The following MTUS2 variants were observed in gnomAD, a reference collection of about 807,000 sequenced individuals.
The protein encoded by MTUS2 is microtubule-associated tumor suppressor candidate 2.
In MTUS2, 40 loss-of-function variants were observed where a neutral mutation model predicts 114.1. The ratio of observed to expected loss-of-function variants is 0.35; its 90% CI spans 0.27 to 0.46. MTUS2 has a LOEUF of 0.46. Among genes scored for constraint, MTUS2 ranks in the 20% least tolerant of loss-of-function variants. MTUS2 has a pLI of 1.00. For missense variants in MTUS2, 1,679 were observed against 1,705.4 expected, an observed-to-expected ratio of 0.98 and a Z score of 0.27; for synonymous variants, 688 against 672.0, an observed-to-expected ratio of 1.02 and a Z score of -0.37.
chr13:29,464,701 C>T (rs1879763838), intron 9 of MTUS2, among the ~76,000 whole-genome samples: 2 of 152,240 alleles, frequency 1.3e-5, no homozygotes, highest in South Asian at 2.1e-4. Flanking sequence ...CCTGAATTAG[C>T]GTCTGCATTT....
chr13:29,468,430 G>A (rs1022666851), intron 9 of MTUS2, among the ~76,000 whole-genome samples: 6 of 152,000 alleles, frequency 3.9e-5, no homozygotes, highest in Non-Finnish European at 8.8e-5. Context: ...AATACAAAAA[G>A]TAGCCAGTTG....
At chr13:29,394,682 G>T (rs1873766502) in intron 8 of MTUS2, among the ~76,000 whole-genome samples, 1 of 152,218 alleles carries the variant, frequency 6.6e-6, no homozygotes, top group Non-Finnish European at 1.5e-5. Flanking sequence ...ACCCATCCTG[G>T]TTCTGTGGCC....
At chr13:29,122,400 G>A (rs914796910) in intron 5 of MTUS2, among the ~76,000 whole-genome samples, 2 of 152,192 alleles carry the variant, frequency 1.3e-5, no homozygotes, top group East Asian at 1.9e-4. Flanking sequence ...GGGGAAGCAA[G>A]CACCGCCTCT....
chr13:29,017,772 T>A (rs1886128291), intron 2 of MTUS2, among the ~76,000 whole-genome samples: 1 of 151,850 alleles, frequency 6.6e-6, no homozygotes, highest in Non-Finnish European at 1.5e-5. Flanking sequence ...TGAGATTACC[T>A]CATCTGGAGT....
intron 2 of MTUS2, among the ~76,000 whole-genome samples, chr13:28,870,480 T>C (rs767433497): frequency 3.9e-5 from 6 of 152,156 alleles, no homozygotes; most frequent in Non-Finnish European, 7.4e-5. Flanking sequence ...TTCAGTGAAG[T>C]TCTCTGGTTG....
intron 2 of MTUS2, among the ~76,000 whole-genome samples, chr13:29,023,431 TC>T (rs1316065527): frequency 1.3e-5 from 2 of 152,224 alleles, no homozygotes; most frequent in East Asian, 1.9e-4. Context: ...TTTGCCAGTT[TC>T]TCTCTTTTAC....
chr13:28,849,819 C>T (rs545284749), intron 2 of MTUS2, among the ~76,000 whole-genome samples: 3 of 152,270 alleles, frequency 2.0e-5, no homozygotes, highest in Admixed American at 6.5e-5. Flanking sequence ...TCCCTCTCCT[C>T]TCTACCTCTG....
At chr13:29,500,963 C>A in intron 14 of MTUS2, 134 bp from the exon 15 acceptor site, 1 of 620,454 alleles carries the variant, frequency 1.6e-6, no homozygotes. Context: ...ATTTTAAAAC[C>A]CACTAAAGCA....
chr13:28,967,029 G>A (rs1262853873), intron 2 of MTUS2, among the ~76,000 whole-genome samples: 1 of 152,178 alleles, frequency 6.6e-6, no homozygotes, highest in Non-Finnish European at 1.5e-5. Flanking sequence ...TACTGCGATA[G>A]CAATTTCATA....
chr13:29,391,315 T>C (rs1363646217), intron 8 of MTUS2, among the ~76,000 whole-genome samples: 1 of 152,186 alleles, frequency 6.6e-6, no homozygotes, highest in East Asian at 1.9e-4. Context: ...GACACCAGAT[T>C]ACTTCTGAGA....
intron 7 of MTUS2, among the ~76,000 whole-genome samples, chr13:29,325,346 C>T (rs4769717): frequency 0.54 from 81,537 of 151,044 alleles, 25,256 homozygotes; most frequent in East Asian, 0.75. Context: ...GTCCCAGCTA[C>T]TTGGGAGGCT....
intron 2 of MTUS2, among the ~76,000 whole-genome samples, chr13:28,916,409 T>C (rs1445072446): frequency 6.6e-6 from 1 of 151,972 alleles, no homozygotes. Context: ...TTTAACAACA[T>C]TGATTCTTCT....
chr13:28,884,605 A>G (rs1474894886), intron 2 of MTUS2, among the ~76,000 whole-genome samples: 1 of 152,216 alleles, frequency 6.6e-6, no homozygotes, highest in Non-Finnish European at 1.5e-5. Flanking sequence ...GCACACACAT[A>G]TACACACTTG....
rs183915378 is a variant in MTUS2 at position 29,008,655 on chromosome 13, T to C, written c.-242-15802T>C. Among the ~76,000 whole-genome samples, 4 of 152,350 alleles carry C rather than the reference T, an allele frequency of 2.6e-5. No homozygotes were observed. In the East Asian group the frequency reaches 7.7e-4, roughly 29 times the overall value. ...TATAGAGTTCTAGGTGGAAATCGTT[T>C]TTTCTTGTGGTGTTACCAAATACTC... On this transcript the variant is annotated intron_variant, in intron 2 of 15. Coordinates refer to ENST00000612955, the MANE Select transcript of MTUS2 (RefSeq NM_001033602.4).
chr13:29,393,830 G>C (rs1484887780), intron 8 of MTUS2, among the ~76,000 whole-genome samples: 3 of 152,186 alleles, frequency 2.0e-5, no homozygotes, highest in African/African-American at 7.2e-5. Context: ...GTCTGGAAAA[G>C]GCGGGACAAC....
At chr13:28,824,216 A>G (rs1015092605) in intron 1 of MTUS2, among the ~76,000 whole-genome samples, 1 of 130,708 alleles carries the variant, frequency 7.7e-6, no homozygotes, top group African/African-American at 3.6e-5. Flanking sequence ...CCTGACTTTC[A>G]TTTTGTTAGA....
rs914390753 is a variant in MTUS2, at chr13:29,024,576, G to T, written c.-123G>T. ...GAGAATGATTAAAGCAGTGTCGCAA[G>T]GTGACATTGTCAGGGGAGAACAAGC... On this transcript the variant is annotated 5_prime_UTR_variant, in exon 3 of 16. It adds an upstream start codon to the 5' untranslated region. Transcript: ENST00000612955. 9 of 1,186,066 alleles carry T rather than the reference G, an allele frequency of 7.6e-6. No homozygotes were observed. The African/African-American group carries it at 1.2e-4, about 16-fold the overall frequency. The allele number at this position is 1,186,066 out of a possible 1,614,324, so 73.5% of individuals were successfully genotyped here. A position where few individuals can be genotyped will look rare whatever the true frequency, so the allele number is the denominator to read the frequency against.
chr13:29,003,866 G>A (rs1885488856), intron 2 of MTUS2, among the ~76,000 whole-genome samples: 1 of 152,172 alleles, frequency 6.6e-6, no homozygotes, highest in South Asian at 2.1e-4. Flanking sequence ...CTTTGTTGCA[G>A]CTGCTGCTCA....
chr13:28,994,859 C>G (rs1487518904), intron 2 of MTUS2, among the ~76,000 whole-genome samples: 1 of 152,124 alleles, frequency 6.6e-6, no homozygotes, highest in East Asian at 1.9e-4. Context: ...ATTGCCTGTT[C>G]ACTCTGATGG....
Sources: gnomAD v4.1 joint callset for allele counts (sites outside exome capture counted in the v4.1 genomes callset) on GRCh38, gnomAD v4.1.1 for gene constraint, MANE v1.5 for transcripts, NCBI Gene and HGNC (gene_info 2026-07-23, HGNC 2026-07-21) for gene names.